Variants in DGKZ observed in about 807,000 individuals in gnomAD.
The protein encoded by DGKZ is diacylglycerol kinase zeta.
In DGKZ, 45 loss-of-function variants were observed where a neutral mutation model predicts 142.5. That is an observed-to-expected ratio of 0.32 (90% CI 0.25 to 0.40). The LOEUF (loss-of-function observed/expected upper bound fraction) is 0.40, where lower values mean the gene tolerates loss of function less well. Ranked by LOEUF, DGKZ falls within the 10% of genes least tolerant of loss-of-function variation. The pLI is 1.00. For synonymous variants in DGKZ, 442 were observed against 527.0 expected, an observed-to-expected ratio of 0.84 and a Z score of 2.21; for missense variants, 755 against 1,306.5, an observed-to-expected ratio of 0.58 and a Z score of 6.51.
chr11:46,369,642 G>T, intron 5 of DGKZ, 92 bp downstream of exon 5: 2 of 1,510,558 alleles, frequency 1.3e-6, no homozygotes, highest in Non-Finnish European at 1.8e-6. Context: ...AGGGGGCTCG[G>T]CTCCCTCTAG....
intron 1 of DGKZ, among the ~76,000 whole-genome samples, chr11:46,350,077 G>A (rs529282736): frequency 1.3e-5 from 2 of 152,302 alleles, no homozygotes; most frequent in Admixed American, 6.5e-5. Context: ...CAGCACCTCT[G>A]GAAGCATGTA....
intron 1 of DGKZ, chr11:46,364,479 G>A: frequency 1.6e-6 from 2 of 1,254,672 alleles, no homozygotes; most frequent in South Asian, 2.7e-5. Flanking sequence ...GGTCTGCTTT[G>A]AGTGGGGCAC....
rs373648097 is a variant in DGKZ at position 46,362,581 on chromosome 11, C to T, written c.162-4710C>T. The stretch of plus-strand genomic sequence containing the variant: ...CTCTCTGTCATCGCATCCAGACCTC[C>T]TTTAGGCCAATCTTCTGAACCAGGT... On this transcript the variant is annotated intron_variant, in intron 1 of 30. Coordinates refer to ENST00000527911, the Ensembl canonical transcript of DGKZ. 1.4e-3 allele frequency among the ~76,000 whole-genome samples: 214 copies of T among 152,316 alleles called. 8 individuals carry two copies. The South Asian group carries it at 0.043, about 31-fold the overall frequency.
upstream of DGKZ, among the ~76,000 whole-genome samples, chr11:46,343,642 GCA>G (rs1940387189): frequency 6.6e-6 from 1 of 152,204 alleles, no homozygotes; most frequent in African/African-American, 2.4e-5. Context: ...TTGAACTCCA[GCA>G]CAGTTTGGCC....
chr11:46,379,169 C>T, intron 28 of DGKZ, 34 bp from the exon 29 acceptor site: 1 of 1,612,468 alleles, frequency 6.2e-7, no homozygotes, highest in Non-Finnish European at 8.5e-7. Flanking sequence ...GAGGGGCTGC[C>T]AGGCCTCTCT....
chr11:46,358,185 C>A (rs935679504), intron 1 of DGKZ, among the ~76,000 whole-genome samples: 2 of 152,148 alleles, frequency 1.3e-5, no homozygotes, highest in Admixed American at 1.3e-4. Flanking sequence ...AGCCCCTCAA[C>A]GCGAATCTAG....
At chr11:46,375,780 T>C in intron 20 of DGKZ, 71 bp from the exon 21 acceptor site, 3 of 1,530,894 alleles carry the variant, frequency 2.0e-6, no homozygotes, top group Middle Eastern at 2.1e-4. Context: ...GCAAGTGGTT[T>C]GGTGCCAGGC....
upstream of DGKZ, chr11:46,347,333 G>C (rs757691677): frequency 1.0e-5 from 10 of 984,840 alleles, no homozygotes; most frequent in Non-Finnish European, 1.2e-5. The surrounding 1 kb of genome is among the most constrained non-coding windows in gnomAD (Gnocchi z 6.4). Context: ...GCCCCAGCGG[G>C]CTGCAGCGCA....
chr11:46,368,411 C>T (rs1943567417), intron 4 of DGKZ: 3 of 379,810 alleles, frequency 7.9e-6, no homozygotes, highest in East Asian at 6.6e-5. Flanking sequence ...GCTGAAGCTT[C>T]ATAACTCAGC....
rs1335440618 is a variant in DGKZ, at chr11:46,375,867, G to C, written c.1927G>C (p.Glu643Gln). 1.9e-6 allele frequency: 3 copies of C among 1,566,640 alleles called. No homozygotes were observed. In the African/African-American group the frequency reaches 4.1e-5, roughly 21 times the overall value. ...GCCCGACAGCCAGCAGCCGGTGCCA[G>C]AGCAGTTGCGCATCCAGGTGAGTCG... Residue 643 changes from glutamate to glutamine, a missense_variant, in exon 21 of 31, where the codon GAG (glutamate) becomes CAG (glutamine). Around this residue, in one of 8 missense-constraint regions of DGKZ, gnomAD observed 114 missense variants for 180.9 expected, o/e 0.63. Transcript: ENST00000527911.
intron 1 of DGKZ, among the ~76,000 whole-genome samples, chr11:46,342,273 C>T (rs1940316929): frequency 6.6e-6 from 1 of 152,174 alleles, no homozygotes; most frequent in African/African-American, 2.4e-5. Context: ...GTGTCCTCCC[C>T]ACCCCACCTG....
chr11:46,373,119 G>T lies in DGKZ; in HGVS notation c.1326+18G>T. ...CCGACCGGGTAAGTTGGCCAGGGTTGGTGGGGGGCAGGGCAGGTGACTGGG... is the reference window on the plus strand; with the variant it reads ...CCGACCGGGTAAGTTGGCCAGGGTTTGTGGGGGGCAGGGCAGGTGACTGGG... On this transcript the variant is annotated intron_variant, in intron 14 of 30. Coordinates refer to ENST00000527911, the Ensembl canonical transcript of DGKZ. The T allele has an allele frequency of 2.0e-6, 3 of 1,537,746 alleles. No homozygotes were observed. The African/African-American group carries it at 4.1e-5, about 21-fold the overall frequency.
chr11:46,375,591 C>G lies in DGKZ; in HGVS notation c.1870C>G (p.Gln624Glu), dbSNP rs766095491. 28 of 1,589,952 alleles carry G rather than the reference C, an allele frequency of 1.8e-5. No individual in the cohort carries two copies. The highest frequency in any genetic ancestry group is 3.4e-5 in the Admixed American group (2 of 58,382). ...CCTGCGCAACCAGGCCACCATGGTG[C>G]AGAAGGCCAAGCGGCGGAGCGCCGC... The change falls in exon 20 of 31, where the codon CAG (glutamine) becomes GAG (glutamate). Residue 624 changes from glutamine to glutamate, a missense_variant. Physicochemically the swap from Gln to Glu is conservative, Grantham distance 29. Coordinates refer to ENST00000527911, the Ensembl canonical transcript of DGKZ.
chr11:46,363,074 G>C (rs1344958029), intron 1 of DGKZ, among the ~76,000 whole-genome samples: 1 of 152,188 alleles, frequency 6.6e-6, no homozygotes, highest in Admixed American at 6.5e-5. Context: ...ACCTTTACAC[G>C]TACTGTGTGG....
chr11:46,375,132 G>A lies in DGKZ; in HGVS notation c.1710+87G>A, dbSNP rs537426693. 117 of 1,274,906 alleles carry A rather than the reference G, an allele frequency of 9.2e-5. 1 individual carries two copies. The South Asian group carries it at 1.6e-3, about 18-fold the overall frequency. The allele number at this position is 1,274,906 out of a possible 1,614,324, so 79.0% of individuals were successfully genotyped here. On this transcript the variant is annotated intron_variant, in intron 19 of 30. Transcript: ENST00000527911. The stretch of plus-strand genomic sequence containing the variant: ...ATACTCACCTCCATGGGCCACGGCG[G>A]CCTAGTTCACCCTCACCTCCCTTCT...
intron 1 of DGKZ, among the ~76,000 whole-genome samples, chr11:46,362,668 AG>A (rs1220774371): frequency 6.6e-6 from 1 of 152,212 alleles, no homozygotes; most frequent in African/African-American, 2.4e-5. Context: ...GGATCAGTCT[AG>A]GGTGGCAGTG....
At chr11:46,359,572 C>G (rs1310875933) in intron 1 of DGKZ, among the ~76,000 whole-genome samples, 1 of 151,952 alleles carries the variant, frequency 6.6e-6, no homozygotes, top group African/African-American at 2.4e-5. Flanking sequence ...GTGGAAAGTT[C>G]ATTGACGTGG....
At chr11:46,333,225 G>C (rs1052497304) in exon 1 of DGKZ, 1 of 1,238,834 alleles carries the variant, frequency 8.1e-7, no homozygotes, top group African/African-American at 1.6e-5. Flanking sequence ...ACTCGAACTT[G>C]AGCGGGTGCC....
chr11:46,350,803 A>G (rs549492354), intron 1 of DGKZ, among the ~76,000 whole-genome samples: 1 of 151,278 alleles, frequency 6.6e-6, no homozygotes, highest in South Asian at 2.1e-4. Flanking sequence ...TCTCTGCCCC[A>G]CACAACTGGC....
Sources: allele counts gnomAD v4.1 joint callset (sites outside exome capture counted in the v4.1 genomes callset), GRCh38; gene constraint gnomAD v4.1.1; regional missense constraint gnomAD v4.1.1; non-coding constraint Gnocchi (gnomAD v3.1); transcripts MANE v1.5; gene names NCBI Gene and HGNC (gene_info 2026-07-23, HGNC 2026-07-21).